The following NUMA1 variants were observed in gnomAD, a reference collection of about 807,000 sequenced individuals.
NUMA1 encodes the protein SP-H antigen.
A neutral mutation model predicts 237.1 loss-of-function variants in NUMA1; 62 were observed. The ratio of observed to expected loss-of-function variants is 0.26; its 90% CI spans 0.21 to 0.32. The LOEUF (loss-of-function observed/expected upper bound fraction) is 0.32. Ranked by LOEUF, NUMA1 falls within the 10% of genes least tolerant of loss-of-function variation. NUMA1 has a pLI of 1.00. For synonymous variants in NUMA1, 1,028 were observed against 1,066.1 expected (o/e 0.96, Z 0.70); for missense variants, 2,533 against 2,666.5 (o/e 0.95, Z 1.10).
chr11:72,024,042 C>A, intron 5 of NUMA1: 1 of 492,300 alleles, frequency 2.0e-6, no homozygotes, highest in Non-Finnish European at 3.6e-6. Context: ...TCTGGCTCCA[C>A]CTAGATCTCC....
intron 5 of NUMA1, 101 bp from the exon 6 acceptor site, chr11:72,023,248 G>C: frequency 2.4e-6 from 2 of 848,772 alleles, no homozygotes; most frequent in South Asian, 2.8e-5. Flanking sequence ...TATCTCTGGT[G>C]GGGCTATGAG....
chr11:72,006,693 T>C (rs1036729578), intron 21 of NUMA1, among the ~76,000 whole-genome samples: 21 of 152,190 alleles, frequency 1.4e-4, no homozygotes, highest in Non-Finnish European at 2.4e-4. Flanking sequence ...GCCCTTACCA[T>C]GTTCCAGAAC....
At chr11:72,017,601 A>G in intron 13 of NUMA1, 86 bp downstream of exon 13, 2 of 1,528,424 alleles carry the variant, frequency 1.3e-6, no homozygotes, top group Non-Finnish European at 1.8e-6. Context: ...CTTAATACCC[A>G]AAGGCCCAGA....
chr11:72,060,853 G>A (rs78392235), intron 2 of NUMA1, among the ~76,000 whole-genome samples: 4,595 of 152,054 alleles, frequency 0.03, 63 homozygotes, highest in East Asian at 0.074. Context: ...GGCGGATCAC[G>A]AGGTCAGGAG....
Position 72,014,363 on chromosome 11 carries a change from G to A in NUMA1, c.3140C>T (p.Thr1047Ile), listed in dbSNP as rs1256336001. 1 of 1,613,256 alleles carries A rather than the reference G, an allele frequency of 6.2e-7. No homozygotes were observed. The highest frequency in any genetic ancestry group is 2.2e-5 in the East Asian group (1 of 44,898). Residue 1047 changes from threonine (T) to isoleucine (I), a missense_variant, in exon 15 of 27, where the codon ACC (threonine) becomes ATC (isoleucine). By Grantham distance (89) the Thr-to-Ile change is moderately conservative (BLOSUM62 -1). Transcript: ENST00000393695. The surrounding 1 kb of genome is among the most constrained non-coding windows in gnomAD (Gnocchi z 4.6). ...ALNEQRVEFA[T>I]LQEALAHALT... ...GGCATGAGCCAGTGCCTCTTGCAGG[G>A]TAGCGAACTCCACACGCTGCTCGTT...
chr11:72,043,879 G>A (rs1941842646), intron 2 of NUMA1, among the ~76,000 whole-genome samples: 1 of 152,080 alleles, frequency 6.6e-6, no homozygotes, highest in Non-Finnish European at 1.5e-5. Flanking sequence ...AATGAGCAGA[G>A]ATCATGCCAC....
At chr11:72,004,542 A>G (rs1955541924) in intron 24 of NUMA1, 98 bp downstream of exon 24, 2 of 1,312,948 alleles carry the variant, frequency 1.5e-6, no homozygotes, top group Non-Finnish European at 2.1e-6. Context: ...GAGAGGGGGA[A>G]GTGAGGGAAG....
chr11:72,022,021 C>G (rs1232866887), intron 7 of NUMA1, among the ~76,000 whole-genome samples: 4 of 152,076 alleles, frequency 2.6e-5, no homozygotes, highest in African/African-American at 9.7e-5. Flanking sequence ...AACACACACA[C>G]ACAGAAACAC....
intron 2 of NUMA1, among the ~76,000 whole-genome samples, chr11:72,061,530 G>C (rs149287700): frequency 2.8e-3 from 273 of 97,744 alleles, no homozygotes; most frequent in African/African-American, 0.011. Flanking sequence ...TCATTCTGTT[G>C]CCCAGGCTGG....
rs753100880 is a variant in NUMA1, at chr11:72,016,536, A to G, written c.1120-6T>C. 1 of 1,613,528 alleles carries G rather than the reference A, an allele frequency of 6.2e-7. No individual in the cohort carries two copies. Among genetic ancestry groups the G allele is most frequent in the Non-Finnish European group, 8.5e-7 (1 of 1,179,772 alleles). ...TTCTTCTCTTCAAGGCATTTCTGGGAGTAAATGAGACCCATGTGAACAGAG... is the reference window on the plus strand; with the variant it reads ...TTCTTCTCTTCAAGGCATTTCTGGGGGTAAATGAGACCCATGTGAACAGAG... On this transcript the variant is annotated splice_region_variant and splice_polypyrimidine_tract_variant and intron_variant, in intron 13 of 26. Transcript: ENST00000393695.
intron 2 of NUMA1, among the ~76,000 whole-genome samples, chr11:72,048,736 T>C (rs1371844599): frequency 2.0e-5 from 3 of 152,060 alleles, no homozygotes. Context: ...CACTAAAGAA[T>C]TTTTTTCTGA....
At chr11:72,049,560 A>AAATATATATATATATATATATATATAT (rs1555034474) in intron 2 of NUMA1, 7 of 41,016 alleles carry the variant, frequency 1.7e-4, no homozygotes, top group African/African-American at 5.9e-4. Flanking sequence ...AAATAATAAT[A>AAATATATATATATATATATATATATAT]ATATATATAT....
intron 2 of NUMA1, among the ~76,000 whole-genome samples, chr11:72,047,658 C>T (rs1182632589): frequency 6.6e-6 from 1 of 152,130 alleles, no homozygotes; most frequent in Non-Finnish European, 1.5e-5. Context: ...AAACCCTCCA[C>T]TCTGCCAGGC....
At chr11:72,046,014 GA>G (rs1487194587) in intron 2 of NUMA1, among the ~76,000 whole-genome samples, 1 of 152,210 alleles carries the variant, frequency 6.6e-6, no homozygotes, top group East Asian at 1.9e-4. Context: ...CCGAGAGGCT[GA>G]ACCTTCCCCT....
At position 72,018,257 on chromosome 11, in the gene NUMA1, G is replaced by C. The variant is rs1938177086; in HGVS notation, c.904C>G (p.Leu302Val). ...TCCATCTGGCTCTTCTCTGTCTTCAGGTCCTGGCACTGCTTCAGGGTTTCA... is the reference window on the plus strand; with the variant it reads ...TCCATCTGGCTCTTCTCTGTCTTCACGTCCTGGCACTGCTTCAGGGTTTCA... The part of the protein sequence containing the change: ...LHETLKQCQD[L>V]KTEKSQMDRK... Residue 302 changes from leucine (L) to valine (V), a missense_variant, in exon 12 of 27, where the codon CTG becomes GTG. By Grantham distance (32) the Leu-to-Val change is conservative (BLOSUM62 1). Coordinates refer to ENST00000393695, the MANE Select transcript of NUMA1 (RefSeq NM_006185.4). The C allele has an allele frequency of 2.5e-6, 4 of 1,614,102 alleles. No homozygotes were observed. The African/African-American group carries it at 5.3e-5, about 22-fold the overall frequency.
At chr11:72,047,633 G>A (rs1012058205) in intron 2 of NUMA1, among the ~76,000 whole-genome samples, 9 of 152,122 alleles carry the variant, frequency 5.9e-5, no homozygotes, top group Admixed American at 5.2e-4. Context: ...TTCTAGAGTC[G>A]TTATTCCCTT....
intron 2 of NUMA1, among the ~76,000 whole-genome samples, chr11:72,054,532 CT>C (rs963368205): frequency 2.0e-4 from 30 of 151,972 alleles, no homozygotes; most frequent in African/African-American, 7.0e-4. Flanking sequence ...AGTATCACCC[CT>C]ATCAAGCAAA....
intron 4 of NUMA1, among the ~76,000 whole-genome samples, chr11:72,026,436 C>T (rs1172488549): frequency 1.3e-5 from 2 of 152,248 alleles, no homozygotes; most frequent in Non-Finnish European, 2.9e-5. Flanking sequence ...AATGTCAGAC[C>T]TCTAAGTTTT....
intron 2 of NUMA1, among the ~76,000 whole-genome samples, chr11:72,051,934 G>A (rs1169341866): frequency 6.6e-6 from 1 of 152,214 alleles, no homozygotes; most frequent in African/African-American, 2.4e-5. Context: ...ACTTACTGAA[G>A]AGAAGTGGGA....
Sources: gnomAD v4.1 joint callset for allele counts (sites outside exome capture counted in the v4.1 genomes callset) on GRCh38, gnomAD v4.1.1 for gene constraint, Gnocchi (gnomAD v3.1) non-coding constraint, MANE v1.5 for transcripts, NCBI Gene and HGNC (gene_info 2026-07-23, HGNC 2026-07-21) for gene names.